The following PCNX2 variants were observed in gnomAD, a reference collection of about 807,000 sequenced individuals.
PCNX2 encodes the protein pecanex-like protein 2.
PCNX2 carries 168 observed loss-of-function variants against 223.8 expected under a neutral mutation model. That is an observed-to-expected ratio of 0.75 (90% CI 0.66 to 0.85). PCNX2 has a LOEUF of 0.85. Ranked by LOEUF, PCNX2 falls within the 40% of genes least tolerant of loss-of-function variation. The probability of loss-of-function intolerance (pLI) is 0.00; values close to 1 mark genes in which losing one functional copy is unlikely to be tolerated. For synonymous variants in PCNX2, 1,006 were observed against 1,052.6 expected, an observed-to-expected ratio of 0.96 and a Z score of 0.86; for missense variants, 2,507 against 2,675.5, an observed-to-expected ratio of 0.94 and a Z score of 1.39.
At position 233,241,387 on chromosome 1, in the gene PCNX2, C is replaced by T. The variant is rs933186724; in HGVS notation, c.2223-4407G>A. The T allele has an allele frequency of 5.5e-5, 54 of 985,408 alleles. No homozygotes were observed. In the African/African-American group the frequency reaches 9.1e-4, roughly 17 times the overall value. The allele number at this position is 985,408 out of a possible 1,614,324, so 61.0% of individuals were successfully genotyped here. On this transcript the variant is annotated intron_variant, in intron 8 of 33. Transcript: ENST00000258229. ...AAAAGTCTTTCTAGAATCAACCTCACAAACCTTTCGTCCTTATGCCTCTAT... is the reference window on the plus strand; with the variant it reads ...AAAAGTCTTTCTAGAATCAACCTCATAAACCTTTCGTCCTTATGCCTCTAT...
At chr1:233,102,470 T>A (rs1199134159) in intron 21 of PCNX2, among the ~76,000 whole-genome samples, 1 of 152,186 alleles carries the variant, frequency 6.6e-6, no homozygotes, top group Non-Finnish European at 1.5e-5. Context: ...TTTTCCATAG[T>A]GACTGTATTC....
intron 23 of PCNX2, among the ~76,000 whole-genome samples, chr1:233,075,473 T>C (rs1011578940): frequency 3.9e-5 from 6 of 152,142 alleles, no homozygotes; most frequent in South Asian, 2.1e-4. Context: ...GAGGTCTCTG[T>C]GGTGATGGAA....
chr1:232,986,637 G>A, intron 32 of PCNX2, 97 bp from the exon 33 acceptor site: 1 of 1,189,830 alleles, frequency 8.4e-7, no homozygotes, highest in Non-Finnish European at 1.1e-6. Context: ...TGGGCCCAAG[G>A]ACCCCTCCTC....
chr1:233,314,743 T>A, the PCNX2 span, among the ~76,000 whole-genome samples: 92 of 146,878 alleles, frequency 6.3e-4, no homozygotes, highest in Middle Eastern at 0.014. Flanking sequence ...GGCTTTTATT[T>A]AAAAAAAAAA....
rs1380730181 is a variant in PCNX2, at chr1:233,029,738, G to A, written c.4352-4339C>T. Among the ~76,000 whole-genome samples the A allele has an allele frequency of 2.0e-5, 3 of 151,932 alleles. No individual in the cohort carries two copies. The South Asian group carries it at 6.2e-4, about 31-fold the overall frequency. The stretch of plus-strand genomic sequence containing the variant: ...ATATTATTCCATTGTTTTCTGGCTT[G>A]TATGATTTCTTTTGATAAGTCAGAG... On this transcript the variant is annotated intron_variant, in intron 25 of 33. Coordinates refer to ENST00000258229, the MANE Select transcript of PCNX2 (RefSeq NM_014801.4).
chr1:233,254,651 G>A (rs1659628076), intron 5 of PCNX2, among the ~76,000 whole-genome samples: 2 of 149,970 alleles, frequency 1.3e-5, no homozygotes, highest in South Asian at 2.1e-4. Flanking sequence ...TATTACCACT[G>A]GAGCCAATTT....
At chr1:233,178,228 A>G (rs142485861) in intron 16 of PCNX2, among the ~76,000 whole-genome samples, 51 of 152,346 alleles carry the variant, frequency 3.3e-4, no homozygotes, top group African/African-American at 1.0e-3. Flanking sequence ...CATTGCACTA[A>G]TACAATTGAC....
chr1:232,986,638 A>AC (rs1571979563), intron 32 of PCNX2, 98 bp from the exon 33 acceptor site: 6 of 1,162,536 alleles, frequency 5.2e-6, no homozygotes, highest in East Asian at 2.7e-5. Flanking sequence ...GGGCCCAAGG[A>AC]CCCCTCCTCA....
intron 17 of PCNX2, chr1:233,172,556 GTGTCCCAGGC>G (rs1186888546): frequency 2.0e-6 from 2 of 985,156 alleles, no homozygotes; most frequent in Non-Finnish European, 2.4e-6. Flanking sequence ...TGGCACTTTG[GTGTCCCAGGC>G]TGATGATCCA....
At chr1:233,175,485 T>C (rs1310418485) in intron 17 of PCNX2, among the ~76,000 whole-genome samples, 1 of 152,104 alleles carries the variant, frequency 6.6e-6, no homozygotes, top group Non-Finnish European at 1.5e-5. Context: ...AATCAGAAAG[T>C]AGAAATGCAT....
upstream of PCNX2, among the ~76,000 whole-genome samples, chr1:233,299,504 A>C (rs1333050912): frequency 6.6e-6 from 1 of 152,236 alleles, no homozygotes; most frequent in East Asian, 1.9e-4. Context: ...CAGACAAAGC[A>C]GAATATGCAC....
rs992791855 is a variant in PCNX2 at position 233,226,387 on chromosome 1, A to G, written c.2504+839T>C. Among the ~76,000 whole-genome samples, 6 of 152,190 alleles carry G rather than the reference A, an allele frequency of 3.9e-5. No individual in the cohort carries two copies. In the East Asian group the frequency reaches 1.2e-3, roughly 29 times the overall value. On this transcript the variant is annotated intron_variant, in intron 10 of 33. Coordinates refer to ENST00000258229, the MANE Select transcript of PCNX2 (RefSeq NM_014801.4). ...TGGGTTCAAGCAATTCTCTAGCCTC[A>G]GCCTCCTGAGTAGCTGGAACTACAG...
intron 23 of PCNX2, among the ~76,000 whole-genome samples, chr1:233,059,405 G>A (rs932497795): frequency 1.3e-5 from 2 of 152,126 alleles, no homozygotes; most frequent in East Asian, 1.9e-4. Flanking sequence ...ACCCTCTGAG[G>A]TAGGTACTCA....
At chr1:233,265,873 T>A (rs12124678) in intron 1 of PCNX2, among the ~76,000 whole-genome samples, 1,660 of 152,334 alleles carry the variant, frequency 0.011, 10 homozygotes, top group Non-Finnish European at 0.017. Context: ...AAAACTGGCA[T>A]GCCCCAATAT....
intron 20 of PCNX2, among the ~76,000 whole-genome samples, chr1:233,136,494 C>T (rs996630185): frequency 2.0e-5 from 3 of 152,104 alleles, no homozygotes; most frequent in African/African-American, 7.2e-5. Flanking sequence ...CCACCTTGCC[C>T]CAGGATGTGT....
At chr1:233,129,239 T>A (rs1020181792) in intron 21 of PCNX2, among the ~76,000 whole-genome samples, 1 of 152,212 alleles carries the variant, frequency 6.6e-6, no homozygotes, top group Non-Finnish European at 1.5e-5. Flanking sequence ...AGTGAGGGGC[T>A]TAGCACCCGG....
intron 1 of PCNX2, among the ~76,000 whole-genome samples, chr1:233,277,433 G>A (rs990735275): frequency 3.3e-5 from 5 of 152,178 alleles, no homozygotes; most frequent in African/African-American, 9.7e-5. Context: ...GAGCTTCCAG[G>A]GTTCTTGGTC....
intron 9 of PCNX2, among the ~76,000 whole-genome samples, chr1:233,232,633 T>C (rs1276661959): frequency 6.6e-6 from 1 of 152,186 alleles, no homozygotes; most frequent in Non-Finnish European, 1.5e-5. Context: ...ATAATTGATG[T>C]CTCCTCTTTT....
rs544078240 is a variant in PCNX2, at chr1:233,061,818, G to A, written c.4077-4528C>T. Among the ~76,000 whole-genome samples, 12 of 152,142 alleles carry A rather than the reference G, an allele frequency of 7.9e-5. No individual in the cohort carries two copies. The East Asian group carries it at 2.3e-3, about 29-fold the overall frequency. On this transcript the variant is annotated intron_variant, in intron 23 of 33. Coordinates refer to ENST00000258229, the MANE Select transcript of PCNX2 (RefSeq NM_014801.4). ...CTGTCGCCCAGGCTGGAGTGCAGTG[G>A]TGCGATCTTGGCTCACTGCAACCTC... is the stretch of plus-strand genomic sequence containing the variant.
Sources: allele counts gnomAD v4.1 joint callset (sites outside exome capture counted in the v4.1 genomes callset), GRCh38; gene constraint gnomAD v4.1.1; transcripts MANE v1.5; gene names NCBI Gene and HGNC (gene_info 2026-07-23, HGNC 2026-07-21).